The following FRMPD1 variants were observed in gnomAD, a reference collection of about 807,000 sequenced individuals.
The protein encoded by FRMPD1 is FERM and PDZ domain-containing protein 1.
In FRMPD1, 76 loss-of-function variants were observed where a neutral mutation model predicts 117.8. The observed-to-expected ratio is 0.65, with a 90% CI of 0.54 to 0.78. FRMPD1 has a LOEUF of 0.78. FRMPD1 is among the 30% of genes least tolerant of loss of function. The pLI is 0.00. For synonymous variants in FRMPD1, 783 were observed against 770.4 expected (o/e 1.02, Z -0.27); for missense variants, 1,786 against 1,964.5 (o/e 0.91, Z 1.72).
Position 37,745,662 on chromosome 9 carries a change from C to A in FRMPD1, c.3630C>A (p.Phe1210Leu). The change falls in exon 16 of 16, where the codon TTC becomes TTA. Residue 1210 changes from phenylalanine to leucine, a missense_variant. Phe to Leu is a conservative substitution (Grantham distance 22). Transcript: ENST00000377765. ...TAGAGTTGGATTTAGACCCTGATTT[C>A]TTTCTTGGGAAGCAGACAGTTTCAC... ...LFVELDLDPDFFLGKQTVSPA... is the reference protein window; with the variant it reads ...LFVELDLDPDLFLGKQTVSPA... 6.2e-7 allele frequency: 1 copy of A among 1,614,148 alleles called. No individual in the cohort carries two copies. Among genetic ancestry groups the A allele is most frequent in the Non-Finnish European group, 8.5e-7 (1 of 1,180,012 alleles).
chr9:37,740,340 C>G lies in FRMPD1; in HGVS notation c.1812C>G (p.Gly604=). Residue 604 remains glycine (G), a synonymous_variant, in exon 15 of 16, where the codon GGC becomes GGG. Coordinates refer to ENST00000377765, the MANE Select transcript of FRMPD1 (RefSeq NM_014907.3). The surrounding 1 kb of genome is among the most constrained non-coding windows in gnomAD (Gnocchi z 4.2). ...NTESRGYRTS[G]SSESMDALEE... is the part of the protein sequence containing the mutation. ...AGAGCCGCGGCTACAGGACCAGTGG[C>G]TCGAGTGAGTCCATGGACGCTCTGG... 1 of 1,613,678 alleles carries G rather than the reference C, an allele frequency of 6.2e-7. No individual in the cohort carries two copies. The highest frequency in any genetic ancestry group is 2.2e-5 in the East Asian group (1 of 44,880).
chr9:37,652,415 C>T (rs1302983952), intron 1 of FRMPD1, among the ~76,000 whole-genome samples: 1 of 152,178 alleles, frequency 6.6e-6, no homozygotes, highest in African/African-American at 2.4e-5. Flanking sequence ...TATTCTTTTG[C>T]CCAATATCTT....
intron 14 of FRMPD1, 82 bp from the exon 15 acceptor site, chr9:37,739,996 G>T: frequency 9.5e-7 from 1 of 1,050,762 alleles, no homozygotes; most frequent in Non-Finnish European, 1.4e-6. Flanking sequence ...GTCTGGCAGG[G>T]TTGGGTGGGG....
intron 15 of FRMPD1, among the ~76,000 whole-genome samples, chr9:37,742,760 A>G (rs1336254960): frequency 6.6e-6 from 1 of 152,112 alleles, no homozygotes; most frequent in African/African-American, 2.4e-5. Flanking sequence ...TTAGCCAGGC[A>G]TGGTGGCGTG....
intron 6 of FRMPD1, among the ~76,000 whole-genome samples, chr9:37,720,868 A>G (rs893952919): frequency 3.3e-5 from 5 of 152,282 alleles, no homozygotes; most frequent in African/African-American, 9.6e-5. Context: ...GCCTGGCGAC[A>G]GAGTGAGACT....
chr9:37,713,834 T>G (rs1332635795), intron 5 of FRMPD1, among the ~76,000 whole-genome samples: 1 of 152,166 alleles, frequency 6.6e-6, no homozygotes, highest in Admixed American at 6.5e-5. Flanking sequence ...TGGATGGATG[T>G]CTGTCTGGTC....
At chr9:37,651,884 T>G (rs187790170) in intron 1 of FRMPD1, among the ~76,000 whole-genome samples, 39 of 152,242 alleles carry the variant, frequency 2.6e-4, no homozygotes, top group Non-Finnish European at 3.8e-4. Flanking sequence ...ATCTCTGCAT[T>G]TAGTCAGTTT....
At chr9:37,737,888 G>A (rs1327509845) in intron 14 of FRMPD1, among the ~76,000 whole-genome samples, 1 of 145,426 alleles carries the variant, frequency 6.9e-6, no homozygotes, top group Non-Finnish European at 1.5e-5. Flanking sequence ...TCACTTATTT[G>A]TTCAGGAAGT....
At chr9:37,720,916 G>A (rs775957413) in intron 6 of FRMPD1, among the ~76,000 whole-genome samples, 1 of 152,180 alleles carries the variant, frequency 6.6e-6, no homozygotes, top group Non-Finnish European at 1.5e-5. Flanking sequence ...TTCAACACAT[G>A]ACTCTTCATT....
intron 15 of FRMPD1, 183 bp downstream of exon 15, chr9:37,741,067 G>A: frequency 1.7e-6 from 1 of 605,294 alleles, no homozygotes; most frequent in Non-Finnish European, 3.0e-6. Context: ...GGCCTGCAAG[G>A]GAGGTTCAGA....
intron 1 of FRMPD1, among the ~76,000 whole-genome samples, chr9:37,655,778 C>T (rs1820824516): frequency 6.6e-6 from 1 of 152,098 alleles, no homozygotes; most frequent in Non-Finnish European, 1.5e-5. Flanking sequence ...GCTGAGATTA[C>T]AGGCATGAGT....
upstream of FRMPD1, among the ~76,000 whole-genome samples, chr9:37,649,693 A>G (rs62534444): frequency 0.11 from 17,408 of 152,206 alleles, 1,087 homozygotes; most frequent in East Asian, 0.18. Context: ...CTGCCTGTGC[A>G]CCATCCCCAG....
intron 1 of FRMPD1, among the ~76,000 whole-genome samples, chr9:37,685,607 T>A (rs959479920): frequency 2.6e-5 from 4 of 152,100 alleles, no homozygotes; most frequent in African/African-American, 4.8e-5. Context: ...AGCCGAGATC[T>A]TGCCACTGCA....
chr9:37,742,062 C>G (rs377674923), intron 15 of FRMPD1, among the ~76,000 whole-genome samples: 29 of 152,220 alleles, frequency 1.9e-4, no homozygotes, highest in Middle Eastern at 3.2e-3. Context: ...CATCACTAGA[C>G]CGAGAACTCC....
At chr9:37,685,039 C>A (rs1223276442) in intron 1 of FRMPD1, among the ~76,000 whole-genome samples, 1 of 152,090 alleles carries the variant, frequency 6.6e-6, no homozygotes, top group Non-Finnish European at 1.5e-5. Context: ...CAGGCATGAG[C>A]CACCGCACCC....
chr9:37,633,891 CTGATT>C, the FRMPD1 span, among the ~76,000 whole-genome samples: 1 of 152,184 alleles, frequency 6.6e-6, no homozygotes, highest in South Asian at 2.1e-4. Context: ...AGAAAAAGCC[CTGATT>C]TGGAGTTTAT....
At chr9:37,738,892 G>A (rs1057372240) in intron 14 of FRMPD1, among the ~76,000 whole-genome samples, 8 of 152,182 alleles carry the variant, frequency 5.3e-5, no homozygotes, top group African/African-American at 1.9e-4. Context: ...AATGACCCGA[G>A]GAAAAGGCCA....
chr9:37,662,462 A>C (rs1821029622), intron 1 of FRMPD1, among the ~76,000 whole-genome samples: 1 of 152,196 alleles, frequency 6.6e-6, no homozygotes, highest in Admixed American at 6.5e-5. Flanking sequence ...GGCCTTACAG[A>C]GGTCACAGCC....
chr9:37,655,817 C>G (rs1820826137), intron 1 of FRMPD1, among the ~76,000 whole-genome samples: 1 of 152,062 alleles, frequency 6.6e-6, no homozygotes, highest in Non-Finnish European at 1.5e-5. Context: ...AACTCTTAAT[C>G]CCCCTAGCCT....
Sources: gnomAD v4.1 joint callset for allele counts (sites outside exome capture counted in the v4.1 genomes callset) on GRCh38, gnomAD v4.1.1 for gene constraint, Gnocchi (gnomAD v3.1) non-coding constraint, MANE v1.5 for transcripts, NCBI Gene and HGNC (gene_info 2026-07-23, HGNC 2026-07-21) for gene names.